IPO8: variants seen among roughly 807,000 people sequenced by gnomAD.
The protein encoded by IPO8 is importin 8.
IPO8 carries 65 observed loss-of-function variants against 141.2 expected under a neutral mutation model. That is an observed-to-expected ratio of 0.46 (90% CI 0.38 to 0.57). IPO8 has a LOEUF of 0.57. Ranked by LOEUF, IPO8 falls within the 20% of genes least tolerant of loss-of-function variation. The pLI, the probability that IPO8 is intolerant of heterozygous loss-of-function variation, is 0.00. For synonymous variants in IPO8, 411 were observed against 420.3 expected (o/e 0.98, Z 0.27); for missense variants, 980 against 1,246.8 (o/e 0.79, Z 3.22).
intron 16 of IPO8, among the ~76,000 whole-genome samples, chr12:30,658,797 A>T (rs1366590414): frequency 1.3e-5 from 2 of 152,238 alleles, no homozygotes; most frequent in African/African-American, 4.8e-5. Flanking sequence ...ACAGAAGGAC[A>T]CAAAAATAAA....
chr12:30,655,971 C>T (rs1045201768), intron 17 of IPO8, among the ~76,000 whole-genome samples: 2 of 152,188 alleles, frequency 1.3e-5, no homozygotes, highest in Non-Finnish European at 2.9e-5. Context: ...AAATTCCCAT[C>T]AGCTTGTAAC....
intron 8 of IPO8, among the ~76,000 whole-genome samples, chr12:30,673,706 C>T (rs1016723282): frequency 2.6e-5 from 4 of 152,166 alleles, no homozygotes; most frequent in Non-Finnish European, 4.4e-5. Flanking sequence ...AGAACCCAAT[C>T]TAATACTGGT....
At chr12:30,671,635 C>T (rs541997550) in intron 8 of IPO8, among the ~76,000 whole-genome samples, 3 of 135,196 alleles carry the variant, frequency 2.2e-5, no homozygotes, top group African/African-American at 8.3e-5. Context: ...GATCGCGCCA[C>T]TGCACTCCAG....
At chr12:30,677,120 C>T (rs1464600318) in intron 5 of IPO8, 28 of 1,476,296 alleles carry the variant, frequency 1.9e-5, no homozygotes, top group Non-Finnish European at 2.5e-5. Context: ...CTACATGCTA[C>T]AGACATAATA....
chr12:30,673,961 A>G (rs2053084926), intron 8 of IPO8, 29 bp downstream of exon 8: 2 of 1,366,244 alleles, frequency 1.5e-6, no homozygotes, highest in African/African-American at 2.8e-5. Flanking sequence ...AGTAACCATT[A>G]TTCTATTTTA....
chr12:30,654,399 C>T (rs978180167), intron 17 of IPO8, among the ~76,000 whole-genome samples: 1 of 151,574 alleles, frequency 6.6e-6, no homozygotes, highest in Non-Finnish European at 1.5e-5. Flanking sequence ...AACTAAAAGG[C>T]TTTTGCATAG....
At chr12:30,663,347 G>T (rs2052915237) in intron 14 of IPO8, 142 bp downstream of exon 14, 2 of 649,100 alleles carry the variant, frequency 3.1e-6, no homozygotes, top group Non-Finnish European at 5.1e-6. Flanking sequence ...AAAAGGACAA[G>T]AATAAATTCC....
At chr12:30,634,422 A>G in intron 22 of IPO8, 136 bp from the exon 23 acceptor site, 1 of 642,480 alleles carries the variant, frequency 1.6e-6, no homozygotes, top group Admixed American at 3.1e-5. Flanking sequence ...ATAAAAATAA[A>G]TCTTATCCCT....
intron 1 of IPO8, among the ~76,000 whole-genome samples, chr12:30,692,905 C>T (rs1269835578): frequency 6.6e-6 from 1 of 152,164 alleles, no homozygotes; most frequent in Non-Finnish European, 1.5e-5. Flanking sequence ...GCACTTATGA[C>T]CTGAAATTAT....
At chr12:30,640,856 T>C (rs540911769) in intron 20 of IPO8, among the ~76,000 whole-genome samples, 1 of 152,254 alleles carries the variant, frequency 6.6e-6, no homozygotes, top group African/African-American at 2.4e-5. Flanking sequence ...AGGAGGACAT[T>C]GAATGTTCTC....
rs1486668648 is a variant in IPO8, at chr12:30,663,491, T to C, written c.1592A>G (p.Gln531Arg). 6.2e-7 allele frequency: 1 copy of C among 1,608,236 alleles called. No homozygotes were observed. The highest frequency in any genetic ancestry group is 8.5e-7 in the Non-Finnish European group (1 of 1,177,694). Residue 531 changes from glutamine to arginine, a missense_variant and splice_region_variant, in exon 14 of 25, where the codon CAA becomes CGA. Coordinates refer to ENST00000256079, the MANE Select transcript of IPO8 (RefSeq NM_006390.4). ...ALQSLISNQIQAKEYMKPHVR... is the reference protein window; with the variant it reads ...ALQSLISNQIRAKEYMKPHVR... ...TCTAAAAGGTATTTTGGCTTTACCT[T>C]GTATCTGGTTAGAAATTAAAGACTG... is the stretch of plus-strand genomic sequence containing the variant.
rs753252778 is a variant in IPO8 at position 30,630,942 on chromosome 12, ATCT to A, written c.3029_3031del (p.Lys1010del). On this transcript the variant is annotated inframe_deletion, in exon 25 of 25. Coordinates refer to ENST00000256079, the MANE Select transcript of IPO8 (RefSeq NM_006390.4). Reference sequence around the variant, plus strand: ...AAAGGTGAAGCCTCCCTGTTGTTCAATCTTCTTCTTTGCCTCTAGCATTTTTCA... The same window carrying A: ...AAAGGTGAAGCCTCCCTGTTGTTCAATCTTCTTTGCCTCTAGCATTTTTCA... The A allele has an allele frequency of 1.2e-5, 19 of 1,613,276 alleles. No individual in the cohort carries two copies. Among genetic ancestry groups the A allele is most frequent in the Middle Eastern group, 1.8e-4 (1 of 5,602 alleles).
At chr12:30,664,008 C>G (rs763689104) in intron 13 of IPO8, among the ~76,000 whole-genome samples, 1 of 152,166 alleles carries the variant, frequency 6.6e-6, no homozygotes, top group Non-Finnish European at 1.5e-5. Context: ...ATTTGTCACA[C>G]TTAGGTAAAA....
chr12:30,685,823 A>C lies in IPO8; in HGVS notation c.167-1366T>G, dbSNP rs925700020. Among the ~76,000 whole-genome samples the C allele has an allele frequency of 2.1e-4, 31 of 151,078 alleles. 1 individual carries two copies. The highest frequency in any genetic ancestry group is 2.1e-3 in the Admixed American group (31 of 15,116). On this transcript the variant is annotated intron_variant, in intron 2 of 24. Transcript: ENST00000256079. The stretch of plus-strand genomic sequence containing the variant: ...ACCTGTAATTCCAGCAAATTCCTTG[A>C]ACCCAGGAGGCGGAGGTTGCAGTGA...
Position 30,656,756 on chromosome 12 carries a change from G to C in IPO8, c.1882-6C>G. The C allele has an allele frequency of 7.1e-7, 1 of 1,408,038 alleles. No individual in the cohort carries two copies. The highest frequency in any genetic ancestry group is 2.5e-5 in the East Asian group (1 of 40,606). 87.2% of individuals were successfully genotyped at this position (1,408,038 alleles called of 1,614,324 possible). On this transcript the variant is annotated splice_polypyrimidine_tract_variant and splice_region_variant and intron_variant, in intron 16 of 24. Transcript: ENST00000256079. Reference sequence around the variant, plus strand: ...TTCTCTAACTGCTGGGTAATCTAAAGATAAATGTTAAATATTAAGCTTAAA... The same window carrying C: ...TTCTCTAACTGCTGGGTAATCTAAACATAAATGTTAAATATTAAGCTTAAA...
chr12:30,690,802 T>A lies in IPO8; in HGVS notation c.85-225A>T, dbSNP rs544658179. Among the ~76,000 whole-genome samples, 6 of 152,336 alleles carry A rather than the reference T, an allele frequency of 3.9e-5. No individual in the cohort carries two copies. The East Asian group carries it at 1.2e-3, about 29-fold the overall frequency. On this transcript the variant is annotated intron_variant, in intron 1 of 24. Transcript: ENST00000256079. The stretch of plus-strand genomic sequence containing the variant: ...ATGTGAACATTTTTATGATTTTTTT[T>A]AACATATTGTCAGAATGGTCTCCAG...
At chr12:30,644,171 C>T (rs528692921) in intron 20 of IPO8, among the ~76,000 whole-genome samples, 38 of 152,056 alleles carry the variant, frequency 2.5e-4, no homozygotes, top group African/African-American at 8.0e-4. Context: ...AGTTAGAGAG[C>T]GGCCAAAACC....
intron 20 of IPO8, among the ~76,000 whole-genome samples, chr12:30,645,245 C>T (rs763073908): frequency 2.7e-4 from 41 of 151,656 alleles, no homozygotes; most frequent in African/African-American, 4.4e-4. Context: ...TGATGGCGCA[C>T]GCCTGTAATA....
intron 8 of IPO8, among the ~76,000 whole-genome samples, chr12:30,671,489 C>T (rs1225005427): frequency 5.3e-5 from 8 of 151,808 alleles, no homozygotes; most frequent in Non-Finnish European, 7.4e-5. Context: ...CTGGCTAACA[C>T]GGTGAAACCC....
Sources: allele counts gnomAD v4.1 joint callset (sites outside exome capture counted in the v4.1 genomes callset), GRCh38; gene constraint gnomAD v4.1.1; transcripts MANE v1.5; gene names NCBI Gene and HGNC (gene_info 2026-07-23, HGNC 2026-07-21).